GRIA1: variants seen among roughly 807,000 people sequenced by gnomAD.
The protein encoded by GRIA1 is glutamate ionotropic receptor AMPA type subunit 1.
A neutral mutation model predicts 99.2 loss-of-function variants in GRIA1; 31 were observed. That is an observed-to-expected ratio of 0.31 (90% CI 0.23 to 0.42). GRIA1 has a LOEUF of 0.42. Among genes scored for constraint, GRIA1 ranks in the 10% least tolerant of loss-of-function variants. The pLI is 1.00. For synonymous variants in GRIA1, 438 were observed against 432.4 expected (o/e 1.01, Z -0.16); for missense variants, 782 against 1,157.5 (o/e 0.68, Z 4.71).
chr5:153,723,607 G>A (rs1018051515), intron 11 of GRIA1, among the ~76,000 whole-genome samples: 10 of 152,274 alleles, frequency 6.6e-5, no homozygotes, highest in South Asian at 2.1e-4. Flanking sequence ...CACCTGGCTC[G>A]GAGGGTCCTA....
At position 153,804,876 on chromosome 5, in the gene GRIA1, C is replaced by T. The variant is rs537299892; in HGVS notation, c.2520+2386C>T. Among the ~76,000 whole-genome samples, 112 of 152,212 alleles carry T rather than the reference C, an allele frequency of 7.4e-4. 2 individuals carry two copies. In the South Asian group the frequency reaches 0.021, roughly 29 times the overall value. On this transcript the variant is annotated intron_variant, in intron 15 of 15. Transcript: ENST00000285900. The stretch of plus-strand genomic sequence containing the variant: ...AAGCAATTCTCTTGCCTCACCCTCC[C>T]GAGTAGCTGGGATTAGAGGCGTGTG...
At chr5:153,627,356 C>G (rs1029654397) in intron 2 of GRIA1, among the ~76,000 whole-genome samples, 1 of 152,146 alleles carries the variant, frequency 6.6e-6, no homozygotes, top group African/African-American at 2.4e-5. Context: ...AGGGACGAAG[C>G]ACCGTTTTGA....
rs573494813 is a variant in GRIA1 at position 153,500,842 on chromosome 5, C to T, written c.220+6777C>T. 5.9e-5 allele frequency among the ~76,000 whole-genome samples: 9 copies of T among 152,218 alleles called. No homozygotes were observed. The East Asian group carries it at 1.5e-3, about 26-fold the overall frequency. On this transcript the variant is annotated intron_variant, in intron 2 of 15. Transcript: ENST00000285900. ...CAGGTTTGATGCAGTAAATAGCATA[C>T]TGAGTTGAGATTTGAAGACATGGAT... is the stretch of plus-strand genomic sequence containing the variant.
At chr5:153,590,443 G>A (rs971561163) in intron 2 of GRIA1, among the ~76,000 whole-genome samples, 1 of 151,488 alleles carries the variant, frequency 6.6e-6, no homozygotes, top group Admixed American at 6.6e-5. Flanking sequence ...CTGAGAGACC[G>A]CCAGAGTCCT....
At chr5:153,744,171 A>T (rs1401013247) in intron 11 of GRIA1, among the ~76,000 whole-genome samples, 1 of 152,162 alleles carries the variant, frequency 6.6e-6, no homozygotes, top group Non-Finnish European at 1.5e-5. Flanking sequence ...CCTGAGAAAA[A>T]GGGGGAGAGA....
At chr5:153,769,762 T>G (rs1034011017) in intron 12 of GRIA1, among the ~76,000 whole-genome samples, 4 of 152,000 alleles carry the variant, frequency 2.6e-5, no homozygotes, top group African/African-American at 9.7e-5. Flanking sequence ...CTTCAGTGCT[T>G]TCTTCCAATA....
At position 153,813,003 on chromosome 5, in the gene GRIA1, T is replaced by C. The variant is rs1410478193; in HGVS notation, c.*1778T>C. The stretch of plus-strand genomic sequence containing the variant: ...GAGCCCACCTAGGGGTAGGTGCAGC[T>C]TTATTGGCTTTTCTGTGGATTCTCT... On this transcript the variant is annotated 3_prime_UTR_variant, in exon 16 of 16. Coordinates refer to ENST00000285900, the MANE Select transcript of GRIA1 (RefSeq NM_000827.4). The C allele has an allele frequency of 6.6e-6, 1 of 152,250 alleles. No homozygotes were observed. The highest frequency in any genetic ancestry group is 1.5e-5 in the Non-Finnish European group (1 of 68,060). 9.4% of individuals were successfully genotyped at this position (152,250 alleles called of 1,614,324 possible). A position where few individuals can be genotyped will look rare whatever the true frequency, so the allele number is the denominator to read the frequency against.
chr5:153,693,747 A>G (rs966216777), intron 8 of GRIA1, among the ~76,000 whole-genome samples: 1 of 152,226 alleles, frequency 6.6e-6, no homozygotes, highest in East Asian at 1.9e-4. Flanking sequence ...GTAGGCCCCA[A>G]TCTTTACCAA....
intron 2 of GRIA1, among the ~76,000 whole-genome samples, chr5:153,563,648 G>A (rs1761352401): frequency 6.6e-6 from 1 of 152,140 alleles, no homozygotes; most frequent in South Asian, 2.1e-4. Context: ...ATTGGTTGTG[G>A]AGCAGATCAA....
At chr5:153,533,770 A>G (rs550681308) in intron 2 of GRIA1, among the ~76,000 whole-genome samples, 2 of 152,362 alleles carry the variant, frequency 1.3e-5, no homozygotes, top group African/African-American at 4.8e-5. Context: ...GAAGGTTATG[A>G]GAATCACAAT....
intron 11 of GRIA1, among the ~76,000 whole-genome samples, chr5:153,716,745 G>A (rs1759692039): frequency 6.6e-6 from 1 of 152,198 alleles, no homozygotes; most frequent in South Asian, 2.1e-4. Context: ...GTTGTTAACT[G>A]TAGCACTTTA....
At chr5:153,664,625 T>C (rs775211487) in intron 5 of GRIA1, among the ~76,000 whole-genome samples, 1 of 152,146 alleles carries the variant, frequency 6.6e-6, no homozygotes, top group Non-Finnish European at 1.5e-5. Context: ...TTGGCCTTTC[T>C]CACTAGACCT....
chr5:153,810,473 T>C (rs1044503481), intron 15 of GRIA1, among the ~76,000 whole-genome samples: 1 of 152,220 alleles, frequency 6.6e-6, no homozygotes, highest in African/African-American at 2.4e-5. Flanking sequence ...TATCACATCC[T>C]CAATTTATTT....
At chr5:153,603,437 C>T (rs56911615) in intron 2 of GRIA1, among the ~76,000 whole-genome samples, 5,153 of 151,730 alleles carry the variant, frequency 0.034, 287 homozygotes, top group African/African-American at 0.12. Flanking sequence ...GGCTATATAC[C>T]CAGTAATGGG....
At chr5:153,521,662 A>G (rs1468145559) in intron 2 of GRIA1, among the ~76,000 whole-genome samples, 2 of 152,204 alleles carry the variant, frequency 1.3e-5, no homozygotes, top group African/African-American at 4.8e-5. Context: ...CTTCAGATGT[A>G]GCTCTGGTGG....
chr5:153,613,955 A>G (rs1275183803), intron 2 of GRIA1, among the ~76,000 whole-genome samples: 1 of 151,992 alleles, frequency 6.6e-6, no homozygotes, highest in Non-Finnish European at 1.5e-5. Flanking sequence ...CAGTCTTCAC[A>G]CTGACCTCTC....
At chr5:153,543,617 G>A (rs72800758) in intron 2 of GRIA1, among the ~76,000 whole-genome samples, 9,686 of 152,066 alleles carry the variant, frequency 0.064, 397 homozygotes, top group South Asian at 0.15. Context: ...GTGAGGGAGG[G>A]AGGAATTTAC....
chr5:153,595,893 C>G (rs1372669172), intron 2 of GRIA1, among the ~76,000 whole-genome samples: 1 of 151,840 alleles, frequency 6.6e-6, no homozygotes, highest in Admixed American at 6.6e-5. Flanking sequence ...ACTTCTTTGG[C>G]TAACTTAGTG....
chr5:153,519,886 C>T (rs1756982071), intron 2 of GRIA1, among the ~76,000 whole-genome samples: 1 of 152,042 alleles, frequency 6.6e-6, no homozygotes, highest in East Asian at 1.9e-4. Context: ...AATCTATTTT[C>T]CCTCTTGATA....
Sources: gnomAD v4.1 joint callset for allele counts (sites outside exome capture counted in the v4.1 genomes callset) on GRCh38, gnomAD v4.1.1 for gene constraint, MANE v1.5 for transcripts, NCBI Gene and HGNC (gene_info 2026-07-23, HGNC 2026-07-21) for gene names.